OSBPL2: variants seen among roughly 807,000 people sequenced by gnomAD.
OSBPL2 encodes the protein oxysterol binding protein like 2.
In OSBPL2, 18 loss-of-function variants were observed where a neutral mutation model predicts 58.4. That is an observed-to-expected ratio of 0.31 (90% CI 0.21 to 0.46). The LOEUF (loss-of-function observed/expected upper bound fraction) is 0.46. Among genes scored for constraint, OSBPL2 ranks in the 20% least tolerant of loss-of-function variants. OSBPL2 has a pLI of 1.00. For synonymous variants in OSBPL2, 221 were observed against 234.1 expected, an observed-to-expected ratio of 0.94 and a Z score of 0.51; for missense variants, 461 against 616.5, an observed-to-expected ratio of 0.75 and a Z score of 2.67.
At chr20:62,280,717 C>T (rs891103084) in intron 7 of OSBPL2, among the ~76,000 whole-genome samples, 1 of 152,248 alleles carries the variant, frequency 6.6e-6, no homozygotes, top group Non-Finnish European at 1.5e-5. Flanking sequence ...GGGCCGCATG[C>T]CCAGGACCCT....
chr20:62,276,812 G>C (rs1412455593), intron 6 of OSBPL2, among the ~76,000 whole-genome samples: 1 of 152,226 alleles, frequency 6.6e-6, no homozygotes, highest in Non-Finnish European at 1.5e-5. Context: ...TTCATGTAGA[G>C]TGTGCTTCCT....
intron 7 of OSBPL2, chr20:62,279,950 C>T (rs188113901): frequency 7.7e-7 from 1 of 1,303,370 alleles, no homozygotes; most frequent in African/African-American, 1.5e-5. Context: ...GGGAGGGGAC[C>T]CTCTGAGAGG....
chr20:62,251,276 G>A (rs1980517808), intron 1 of OSBPL2, among the ~76,000 whole-genome samples: 1 of 151,438 alleles, frequency 6.6e-6, no homozygotes, highest in South Asian at 2.1e-4. Context: ...GGATGGTCTC[G>A]ATTTCCTGAC....
intron 10 of OSBPL2, chr20:62,286,372 C>T (rs542359038): frequency 8.2e-6 from 4 of 487,022 alleles, no homozygotes; most frequent in South Asian, 7.2e-5. Context: ...ATCTCTTGAA[C>T]TCAGGAGGCA....
intron 7 of OSBPL2, chr20:62,280,213 C>A: frequency 2.2e-6 from 2 of 889,924 alleles, no homozygotes; most frequent in Non-Finnish European, 3.1e-6. Flanking sequence ...CGACACCTTG[C>A]CTGATGAAGC....
intron 1 of OSBPL2, among the ~76,000 whole-genome samples, chr20:62,254,162 C>G (rs1044966690): frequency 1.3e-5 from 2 of 152,188 alleles, no homozygotes; most frequent in African/African-American, 4.8e-5. Context: ...GGGCAGAGCC[C>G]TCACAGTCCC....
At chr20:62,284,721 C>G (rs1983003815) in intron 10 of OSBPL2, 1 of 152,716 alleles carries the variant, frequency 6.5e-6, no homozygotes, top group Non-Finnish European at 1.5e-5. Context: ...CTGCTATAAA[C>G]CGTGGGCACC....
chr20:62,288,320 G>A lies in OSBPL2; in HGVS notation c.1126-887G>A, dbSNP rs1983262441. On this transcript the variant is annotated intron_variant, in intron 11 of 13. Transcript: ENST00000313733. This position sits in a 1 kb window ranked among gnomAD's most constrained non-coding sequence, Gnocchi z 4.8. ...AGGGAGGACACGGGTGGTGGCTGGAGGGCCTGGCTGTGGTGGGAGGACCTG... is the reference window on the plus strand; with the variant it reads ...AGGGAGGACACGGGTGGTGGCTGGAAGGCCTGGCTGTGGTGGGAGGACCTG... 6.6e-6 allele frequency among the ~76,000 whole-genome samples: 1 copy of A among 152,206 alleles called. No homozygotes were observed. Among genetic ancestry groups the A allele is most frequent in the Non-Finnish European group, 1.5e-5 (1 of 68,038 alleles).
rs1263855605 is a variant in OSBPL2, at chr20:62,241,314, T to C, written c.-129+2717T>C. Among the ~76,000 whole-genome samples, 4 of 152,158 alleles carry C rather than the reference T, an allele frequency of 2.6e-5. No individual in the cohort carries two copies. The East Asian group carries it at 5.8e-4, about 22-fold the overall frequency. ...TTCACACCATTCTCCTGCCTCAGCC[T>C]CCCAAGTAGCTGGGACTACAGGCGC... On this transcript the variant is annotated intron_variant, in intron 1 of 13. Coordinates refer to ENST00000313733, the MANE Select transcript of OSBPL2 (RefSeq NM_144498.4).
intron 2 of OSBPL2, among the ~76,000 whole-genome samples, chr20:62,258,675 A>G (rs1028321145): frequency 3.3e-5 from 5 of 151,850 alleles, no homozygotes; most frequent in African/African-American, 1.2e-4. Flanking sequence ...AGGTCTTAGA[A>G]TGTTATTAGG....
intron 11 of OSBPL2, among the ~76,000 whole-genome samples, chr20:62,289,003 C>T (rs1170592697): frequency 1.3e-5 from 2 of 152,112 alleles, no homozygotes; most frequent in African/African-American, 2.4e-5. Context: ...AAAATGCAAA[C>T]GTTACAGCCG....
intron 1 of OSBPL2, among the ~76,000 whole-genome samples, chr20:62,244,370 G>A (rs1348426991): frequency 2.6e-5 from 4 of 152,212 alleles, no homozygotes; most frequent in Non-Finnish European, 2.9e-5. Flanking sequence ...GATACACAGC[G>A]GCGGCGGGTC....
chr20:62,272,270 G>C lies in OSBPL2; in HGVS notation c.393+11G>C. On this transcript the variant is annotated intron_variant, in intron 5 of 13. Coordinates refer to ENST00000313733, the MANE Select transcript of OSBPL2 (RefSeq NM_144498.4). ...CTGGAGAGGATGCAGGTGGGCCTTAGGGGTGCCAGGCAGGAGTTTGTCATG... is the reference window on the plus strand; with the variant it reads ...CTGGAGAGGATGCAGGTGGGCCTTACGGGTGCCAGGCAGGAGTTTGTCATG... 6.2e-7 allele frequency: 1 copy of C among 1,612,072 alleles called. No individual in the cohort carries two copies. Among genetic ancestry groups the C allele is most frequent in the Non-Finnish European group, 8.5e-7 (1 of 1,179,542 alleles).
chr20:62,292,929 G>A lies in OSBPL2; in HGVS notation c.1341-856G>A, dbSNP rs577172523. The stretch of plus-strand genomic sequence containing the variant: ...GTTGCCCAGGCTGGAGTGCAGTGGC[G>A]TGATCTCGGCTCACTGCAAGCTCCG... On this transcript the variant is annotated intron_variant, in intron 13 of 13. Transcript: ENST00000313733. 8.0e-5 allele frequency among the ~76,000 whole-genome samples: 12 copies of A among 149,690 alleles called. No individual in the cohort carries two copies. The East Asian group carries it at 1.6e-3, about 20-fold the overall frequency.
intron 12 of OSBPL2, among the ~76,000 whole-genome samples, chr20:62,290,259 G>C (rs562317372): frequency 9.9e-5 from 15 of 152,090 alleles, no homozygotes; most frequent in African/African-American, 1.4e-4. Flanking sequence ...GTTTAGAGTC[G>C]GGATCTCACT....
intron 1 of OSBPL2, among the ~76,000 whole-genome samples, chr20:62,246,943 G>T (rs879300250): frequency 2.0e-5 from 3 of 152,240 alleles, no homozygotes; most frequent in Middle Eastern, 3.4e-3. Flanking sequence ...TCCCTTCCTG[G>T]TGCTCTGGCA....
At chr20:62,277,808 A>G (rs1982484199) in intron 6 of OSBPL2, among the ~76,000 whole-genome samples, 1 of 152,188 alleles carries the variant, frequency 6.6e-6, no homozygotes, top group Admixed American at 6.5e-5. Context: ...AGGTGTATTC[A>G]CAGTTCCGGA....
intron 7 of OSBPL2, chr20:62,280,064 T>C: frequency 4.6e-6 from 6 of 1,304,280 alleles, no homozygotes; most frequent in South Asian, 2.5e-5. Context: ...TGCCGGCCGC[T>C]AAGACCCGAC....
At chr20:62,258,630 T>A (rs1981092318) in intron 2 of OSBPL2, among the ~76,000 whole-genome samples, 1 of 152,192 alleles carries the variant, frequency 6.6e-6, no homozygotes, top group Non-Finnish European at 1.5e-5. Context: ...GCCATCCGAG[T>A]AGCGTTGGCT....
Sources: allele counts gnomAD v4.1 joint callset (sites outside exome capture counted in the v4.1 genomes callset), GRCh38; gene constraint gnomAD v4.1.1; non-coding constraint Gnocchi (gnomAD v3.1); transcripts MANE v1.5; gene names NCBI Gene and HGNC (gene_info 2026-07-23, HGNC 2026-07-21).